The following NUP98 variants were observed in gnomAD, a reference collection of about 807,000 sequenced individuals.
NUP98 encodes the protein nuclear pore complex protein Nup98-Nup96.
In NUP98, 26 loss-of-function variants were observed where a neutral mutation model predicts 191.9. The observed-to-expected ratio is 0.14, with a 90% CI of 0.10 to 0.19. The LOEUF (loss-of-function observed/expected upper bound fraction) is 0.19, where lower values mean the gene tolerates loss of function less well. NUP98 is among the 10% of genes least tolerant of loss of function. NUP98 has a pLI of 1.00. For synonymous variants in NUP98, 808 were observed against 778.4 expected (o/e 1.04, Z -0.63); for missense variants, 1,941 against 2,178.8 (o/e 0.89, Z 2.17).
intron 12 of NUP98, among the ~76,000 whole-genome samples, chr11:3,737,187 T>A (rs1452691065): frequency 6.6e-6 from 1 of 152,128 alleles, no homozygotes; most frequent in Non-Finnish European, 1.5e-5. Context: ...ACTACCTTTT[T>A]CCCTTATAAA....
At position 3,702,910 on chromosome 11, in the gene NUP98, T is replaced by A; in HGVS notation, c.3083-18A>T. ...CCCACCAACTGAAATGAAGCGGGAA[T>A]GAAGGGGAGAAAGACTATTACAAAA... is the stretch of plus-strand genomic sequence containing the variant. On this transcript the variant is annotated intron_variant, in intron 22 of 32. Coordinates refer to ENST00000324932, the MANE Select transcript of NUP98 (RefSeq NM_016320.5). 1 of 1,580,872 alleles carries A rather than the reference T, an allele frequency of 6.3e-7. No homozygotes were observed. The highest frequency in any genetic ancestry group is 8.6e-7 in the Non-Finnish European group (1 of 1,159,566).
In NUP98 at chr11:3,783,850, T is replaced by C. The variant is rs554176606; in HGVS notation, c.-28-1705A>G. On this transcript the variant is annotated intron_variant, in intron 1 of 32. Coordinates refer to ENST00000324932, the MANE Select transcript of NUP98 (RefSeq NM_016320.5). ...TTGGTTCCCCCTGTCTGAATAAGAA[T>C]AGCTTCATAGTGAAACACCCAAGAA... Among the ~76,000 whole-genome samples, 99 of 151,992 alleles carry C rather than the reference T, an allele frequency of 6.5e-4. 2 individuals carry two copies. The highest frequency in any genetic ancestry group is 1.3e-3 in the Non-Finnish European group (85 of 67,996).
Position 3,791,110 on chromosome 11 carries a change from T to C in NUP98, c.-29+6290A>G, listed in dbSNP as rs552334574. Among the ~76,000 whole-genome samples, 471 of 152,108 alleles carry C rather than the reference T, an allele frequency of 3.1e-3. 2 individuals carry two copies. The highest frequency in any genetic ancestry group is 3.5e-3 in the Non-Finnish European group (240 of 67,994). ...CGGGTTTTCACCGTGTTAGCCAGGA[T>C]GGTCTCGATCTCCTGACCTTGTGAT... On this transcript the variant is annotated intron_variant, in intron 1 of 32. Transcript: ENST00000324932.
At chr11:3,724,470 T>C (rs1047507081) in intron 15 of NUP98, among the ~76,000 whole-genome samples, 14 of 148,498 alleles carry the variant, frequency 9.4e-5, no homozygotes, top group African/African-American at 3.0e-4. Flanking sequence ...ATTTCTGATA[T>C]GAAAGAATAT....
At chr11:3,737,616 G>A (rs1345484469) in intron 12 of NUP98, among the ~76,000 whole-genome samples, 1 of 152,180 alleles carries the variant, frequency 6.6e-6, no homozygotes, top group African/African-American at 2.4e-5. Flanking sequence ...GACAGAGCGA[G>A]ATTCCGTCTC....
At chr11:3,768,765 A>G (rs661386) in intron 7 of NUP98, 21 bp from the exon 8 acceptor site, 13 of 1,115,262 alleles carry the variant, frequency 1.2e-5, no homozygotes, top group East Asian at 3.0e-5. Flanking sequence ...AAAGAAAAAA[A>G]AAAGAAAAAA....
In NUP98 at chr11:3,726,312, GATA is replaced by G. The variant is rs544153971; in HGVS notation, c.1731-1096_1731-1094del. On this transcript the variant is annotated intron_variant, in intron 14 of 32. Coordinates refer to ENST00000324932, the MANE Select transcript of NUP98 (RefSeq NM_016320.5). ...CAAAGGGGAGAGGAGAAAGGAACAA[GATA>G]ATAATTAAATATTAATAAGATATAA... is the stretch of plus-strand genomic sequence containing the variant. Among the ~76,000 whole-genome samples the G allele has an allele frequency of 2.5e-3, 376 of 151,792 alleles. 3 individuals carry two copies. Among genetic ancestry groups the G allele is most frequent in the African/African-American group, 8.8e-3 (364 of 41,478 alleles).
chr11:3,794,649 C>G (rs756925087), intron 1 of NUP98, among the ~76,000 whole-genome samples: 1 of 152,112 alleles, frequency 6.6e-6, no homozygotes, highest in Non-Finnish European at 1.5e-5. Flanking sequence ...CAGGGCCTCA[C>G]GCAGTTTCCC....
chr11:3,786,153 C>T (rs2082133480), intron 1 of NUP98, among the ~76,000 whole-genome samples: 2 of 152,150 alleles, frequency 1.3e-5, no homozygotes, highest in South Asian at 4.1e-4. Flanking sequence ...ATCGTTGACC[C>T]CAGCGGCCAA....
intron 28 of NUP98, 70 bp downstream of exon 28, chr11:3,691,277 G>C (rs1378380046): frequency 3.2e-6 from 5 of 1,563,826 alleles, no homozygotes; most frequent in Non-Finnish European, 4.4e-6. Flanking sequence ...AAAAGGGAAA[G>C]GACGCAGCAA....
chr11:3,797,353 G>C (rs1171730569), intron 1 of NUP98, 47 bp downstream of exon 1: 3 of 400,538 alleles, frequency 7.5e-6, no homozygotes, highest in Admixed American at 4.4e-5. Flanking sequence ...CGGAAGGGGG[G>C]AGAAACCTGC....
At chr11:3,788,051 G>C (rs1346407796) in intron 1 of NUP98, among the ~76,000 whole-genome samples, 1 of 152,048 alleles carries the variant, frequency 6.6e-6, no homozygotes, top group African/African-American at 2.4e-5. Context: ...GTAAACTAGT[G>C]TCTCTCAGCT....
At chr11:3,739,283 T>A (rs1359669073) in intron 12 of NUP98, among the ~76,000 whole-genome samples, 1 of 152,212 alleles carries the variant, frequency 6.6e-6, no homozygotes, top group East Asian at 1.9e-4. Context: ...AGAGTCTTGC[T>A]GTGTCACTCA....
At chr11:3,760,410 A>C in intron 10 of NUP98, 129 bp downstream of exon 10, 1 of 1,365,130 alleles carries the variant, frequency 7.3e-7, no homozygotes, top group Middle Eastern at 2.1e-4. Flanking sequence ...AAATATTTCC[A>C]ATCATACGAA....
chr11:3,677,279 A>G (rs948769695), intron 31 of NUP98, among the ~76,000 whole-genome samples: 4 of 152,192 alleles, frequency 2.6e-5, no homozygotes, highest in Non-Finnish European at 4.4e-5. Flanking sequence ...GAGAGAGCTC[A>G]GCTTTCCAGG....
At chr11:3,762,868 C>T in intron 9 of NUP98, 34 bp downstream of exon 9, 4 of 1,604,546 alleles carry the variant, frequency 2.5e-6, no homozygotes, top group Non-Finnish European at 3.4e-6. Flanking sequence ...AATTTACACA[C>T]ATCTTCAAAT....
At chr11:3,743,251 T>G (rs2080352231) in intron 12 of NUP98, among the ~76,000 whole-genome samples, 1 of 151,392 alleles carries the variant, frequency 6.6e-6, no homozygotes, top group Non-Finnish European at 1.5e-5. Context: ...ACTCCTGACC[T>G]CGTGATCCAC....
intron 14 of NUP98, among the ~76,000 whole-genome samples, 174 bp downstream of exon 14, chr11:3,731,217 T>G (rs2079834377): frequency 6.6e-6 from 1 of 152,184 alleles, no homozygotes; most frequent in African/African-American, 2.4e-5. Flanking sequence ...TGAGCAAAGA[T>G]CATGCCATTG....
At chr11:3,751,345 C>T (rs1420205647) in intron 11 of NUP98, among the ~76,000 whole-genome samples, 1 of 151,412 alleles carries the variant, frequency 6.6e-6, no homozygotes, top group Non-Finnish European at 1.5e-5. Context: ...GTAACAAGAG[C>T]AAAACTCCGA....
Sources: gnomAD v4.1 joint callset for allele counts (sites outside exome capture counted in the v4.1 genomes callset) on GRCh38, gnomAD v4.1.1 for gene constraint, MANE v1.5 for transcripts, NCBI Gene and HGNC (gene_info 2026-07-23, HGNC 2026-07-21) for gene names.